HDAC1: variants seen among roughly 807,000 people sequenced by gnomAD.
HDAC1 encodes protein deacetylase HDAC1.
In HDAC1, 18 loss-of-function variants were observed where a neutral mutation model predicts 65.5. The observed-to-expected ratio is 0.27, with a 90% CI of 0.19 to 0.41. The LOEUF (loss-of-function observed/expected upper bound fraction) is 0.41. HDAC1 is among the 10% of genes least tolerant of loss of function. The pLI is 1.00. For synonymous variants in HDAC1, 211 were observed against 227.9 expected, an observed-to-expected ratio of 0.93 and a Z score of 0.67; for missense variants, 373 against 625.2, an observed-to-expected ratio of 0.60 and a Z score of 4.30.
chr1:32,313,370 C>T (rs1355819685), intron 2 of HDAC1, among the ~76,000 whole-genome samples: 1 of 152,082 alleles, frequency 6.6e-6, no homozygotes, highest in Non-Finnish European at 1.5e-5. Context: ...GCTGGGATTA[C>T]AGGTGTGAGC....
At position 32,310,714 on chromosome 1, in the gene HDAC1, G is replaced by T. The variant is rs140914064; in HGVS notation, c.163-5951G>T. 8.9e-3 allele frequency among the ~76,000 whole-genome samples: 1,361 copies of T among 152,140 alleles called. 22 individuals carry two copies. The highest frequency in any genetic ancestry group is 0.031 in the African/African-American group (1,298 of 41,484). On this transcript the variant is annotated intron_variant, in intron 2 of 13. Transcript: ENST00000373548. ...AAAATACAAAAATTAGCCGGGAGTG[G>T]TGGTGGGAGCCTGTAATCCCAGCTA...
intron 3 of HDAC1, among the ~76,000 whole-genome samples, chr1:32,320,320 G>A (rs1322116254): frequency 6.6e-6 from 1 of 151,896 alleles, no homozygotes. Context: ...AGGTTTCCTT[G>A]CTTGTGGCTG....
Position 32,331,778 on chromosome 1 carries a change from C to T in HDAC1, c.1191C>T (p.Asp397=), listed in dbSNP as rs552958105. The change falls in exon 11 of 14, where the codon GAC becomes GAT. Residue 397 remains aspartate, a synonymous_variant. Transcript: ENST00000373548. This position sits in a 1 kb window ranked among gnomAD's most constrained non-coding sequence, Gnocchi z 4.2. ...DAIPEESGDE[D]EDDPDKRISI... ...TCCCTGAGGAGAGTGGCGATGAGGACGAAGACGACCCTGACAAGCGCATCT... is the reference window on the plus strand; with the variant it reads ...TCCCTGAGGAGAGTGGCGATGAGGATGAAGACGACCCTGACAAGCGCATCT... 3.2e-5 allele frequency: 52 copies of T among 1,613,624 alleles called. No individual in the cohort carries two copies. Among genetic ancestry groups the T allele is most frequent in the South Asian group, 1.1e-4 (10 of 91,026 alleles).
intron 1 of HDAC1, among the ~76,000 whole-genome samples, chr1:32,300,485 G>A (rs1367489065): frequency 6.6e-6 from 1 of 151,808 alleles, no homozygotes; most frequent in African/African-American, 2.4e-5. Flanking sequence ...AACCTGGGAG[G>A]CAGAGGTTGC....
intron 3 of HDAC1, among the ~76,000 whole-genome samples, chr1:32,321,090 G>A (rs1331706038): frequency 2.0e-5 from 3 of 151,176 alleles, no homozygotes; most frequent in African/African-American, 4.9e-5. Context: ...AATTAGCCGG[G>A]TGTGGTGGTG....
intron 12 of HDAC1, 96 bp from the exon 13 acceptor site, chr1:32,332,605 C>A: frequency 2.3e-6 from 2 of 861,716 alleles, no homozygotes; most frequent in Non-Finnish European, 3.8e-6. Flanking sequence ...GTCCAGTGAG[C>A]TGTAGTGTTG....
intron 3 of HDAC1, among the ~76,000 whole-genome samples, chr1:32,319,422 G>A (rs999803734): frequency 6.6e-6 from 1 of 151,996 alleles, no homozygotes; most frequent in Non-Finnish European, 1.5e-5. Context: ...TTATAACCTG[G>A]GGTATCTACC....
chr1:32,305,319 T>C (rs1020391084), intron 2 of HDAC1, among the ~76,000 whole-genome samples: 8 of 152,216 alleles, frequency 5.3e-5, no homozygotes, highest in African/African-American at 1.7e-4. Flanking sequence ...AACATGTCTC[T>C]TGATGCATAT....
intron 1 of HDAC1, among the ~76,000 whole-genome samples, chr1:32,295,413 AG>A (rs2124394588): frequency 6.6e-6 from 1 of 152,054 alleles, no homozygotes; most frequent in South Asian, 2.1e-4. Context: ...AAAAAAAAAA[AG>A]AACATAAATG....
chr1:32,300,041 G>C (rs1369466061), intron 1 of HDAC1, among the ~76,000 whole-genome samples: 2 of 152,010 alleles, frequency 1.3e-5, no homozygotes, highest in Non-Finnish European at 2.9e-5. Context: ...CTGGGCGACA[G>C]AGCGAGACTC....
Position 32,333,386 on chromosome 1 carries a change from G to C in HDAC1, c.*342G>C. The C allele has an allele frequency of 5.7e-6, 1 of 176,150 alleles. No homozygotes were observed. The highest frequency in any genetic ancestry group is 1.5e-4 in the East Asian group (1 of 6,522). The allele number at this position is 176,150 out of a possible 1,614,324, so 10.9% of individuals were successfully genotyped here. A position where few individuals can be genotyped will look rare whatever the true frequency, so the allele number is the denominator to read the frequency against. ...GGTGCCCTTATTGAACATTCTAGAA[G>C]GGGTGGCTGGGTCTTCAAGGATCTC... On this transcript the variant is annotated 3_prime_UTR_variant, in exon 14 of 14. Coordinates refer to ENST00000373548, the MANE Select transcript of HDAC1 (RefSeq NM_004964.3).
rs1570042695 is a variant in HDAC1 at position 32,331,745 on chromosome 1, G to C, written c.1158G>C (p.Glu386Asp). 6.2e-7 allele frequency: 1 copy of C among 1,614,138 alleles called. No individual in the cohort carries two copies. Among genetic ancestry groups the C allele is most frequent in the Non-Finnish European group, 8.5e-7 (1 of 1,180,014 alleles). ...APGVQMQAIP[E>D]DAIPEESGDE... is the part of the protein sequence containing the mutation. ...GGGTCCAAATGCAGGCGATTCCTGA[G>C]GACGCCATCCCTGAGGAGAGTGGCG... The change falls in exon 11 of 14, where the codon GAG (glutamate) becomes GAC (aspartate). Residue 386 changes from glutamate to aspartate, a missense_variant. Coordinates refer to ENST00000373548, the MANE Select transcript of HDAC1 (RefSeq NM_004964.3). The surrounding 1 kb of genome is among the most constrained non-coding windows in gnomAD (Gnocchi z 4.2).
chr1:32,304,092 A>G (rs557016696), intron 2 of HDAC1, among the ~76,000 whole-genome samples: 1 of 152,298 alleles, frequency 6.6e-6, no homozygotes, highest in Non-Finnish European at 1.5e-5. Flanking sequence ...CAAGAGTCCA[A>G]ATGAGAAAAT....
At chr1:32,328,373 GT>G (rs1641247364) in intron 6 of HDAC1, among the ~76,000 whole-genome samples, 1 of 151,634 alleles carries the variant, frequency 6.6e-6, no homozygotes, top group Non-Finnish European at 1.5e-5. Flanking sequence ...GTGCAGTGGC[GT>G]GATCTCGGTT....
chr1:32,332,949 ACTGT>A lies in HDAC1; in HGVS notation c.1422-64_1422-61del, dbSNP rs1224272010. 6 of 1,522,622 alleles carry A rather than the reference ACTGT, an allele frequency of 3.9e-6. No individual in the cohort carries two copies. The Admixed American group carries it at 5.1e-5, about 13-fold the overall frequency. 94.3% of individuals were successfully genotyped at this position (1,522,622 alleles called of 1,614,324 possible). On this transcript the variant is annotated intron_variant, in intron 13 of 13. Coordinates refer to ENST00000373548, the MANE Select transcript of HDAC1 (RefSeq NM_004964.3). Reference sequence around the variant, plus strand: ...AGTCACCTAGGATCCTGTGGAAGTCACTGTCTGCACTTTTGCCCTGAGGCTCTGG... The same window carrying A: ...AGTCACCTAGGATCCTGTGGAAGTCACTGCACTTTTGCCCTGAGGCTCTGG...
At chr1:32,316,857 C>G (rs1641072373) in intron 3 of HDAC1, 75 bp downstream of exon 3, 2 of 899,968 alleles carry the variant, frequency 2.2e-6, no homozygotes, top group African/African-American at 3.3e-5. Context: ...GCCCATTCTG[C>G]CGTCCTCGCA....
At chr1:32,292,505 G>C in intron 1 of HDAC1, 3 of 907,164 alleles carry the variant, frequency 3.3e-6, no homozygotes, top group Non-Finnish European at 4.0e-6. Flanking sequence ...CTAGAGGGGA[G>C]GGTGCGTCGG....
chr1:32,313,772 C>T (rs185694836), intron 2 of HDAC1, among the ~76,000 whole-genome samples: 5 of 152,224 alleles, frequency 3.3e-5, no homozygotes, highest in African/African-American at 1.2e-4. Flanking sequence ...CCATTTTTCT[C>T]CCACATCCCA....
In HDAC1 at chr1:32,292,083, C is replaced by CCCG; in HGVS notation, c.-85_-84insGCC. 1 of 1,304,506 alleles carries CCCG rather than the reference C, an allele frequency of 7.7e-7. No homozygotes were observed. Among genetic ancestry groups the CCCG allele is most frequent in the South Asian group, 1.3e-5 (1 of 78,100 alleles). 80.8% of individuals were successfully genotyped at this position (1,304,506 alleles called of 1,614,324 possible). ...CGGGCGGGGCGGGCCGGAGGCCCGC[C>CCCG]CCCTCCCCCCTGGGTCGGACGCTGA... On this transcript the variant is annotated 5_prime_UTR_variant, in exon 1 of 14. Transcript: ENST00000373548.
Sources: gnomAD v4.1 joint callset for allele counts (sites outside exome capture counted in the v4.1 genomes callset) on GRCh38, gnomAD v4.1.1 for gene constraint, Gnocchi (gnomAD v3.1) non-coding constraint, MANE v1.5 for transcripts, NCBI Gene and HGNC (gene_info 2026-07-23, HGNC 2026-07-21) for gene names.